The following DYM variants were observed in gnomAD, a reference collection of about 807,000 sequenced individuals.
The protein encoded by DYM is dymeclin.
In DYM, 78 loss-of-function variants were observed where a neutral mutation model predicts 93.1. That is an observed-to-expected ratio of 0.84 (90% CI 0.70 to 1.01). DYM has a LOEUF of 1.01. Among genes scored for constraint, DYM ranks in the 50% least tolerant of loss-of-function variants. DYM has a pLI of 0.00. For missense variants in DYM, 789 were observed against 845.0 expected (o/e 0.93, Z 0.82); for synonymous variants, 321 against 319.7 (o/e 1.00, Z -0.04).
intron 17 of DYM, among the ~76,000 whole-genome samples, chr18:49,067,328 G>A (rs1001172067): frequency 6.1e-4 from 3 of 4,932 alleles, no homozygotes; most frequent in Non-Finnish European, 1.0e-3. Context: ...GTGGGGTGAT[G>A]TGTTATGGAG....
At chr18:49,318,764 C>A (rs913111811) in intron 8 of DYM, among the ~76,000 whole-genome samples, 1 of 150,802 alleles carries the variant, frequency 6.6e-6, no homozygotes, top group Non-Finnish European at 1.5e-5. Flanking sequence ...TCTTGATAAA[C>A]ATGTATATGA....
At chr18:49,435,782 T>A (rs532151362) in intron 1 of DYM, among the ~76,000 whole-genome samples, 13 of 151,760 alleles carry the variant, frequency 8.6e-5, no homozygotes, top group African/African-American at 2.7e-4. Context: ...AGAACAACAC[T>A]CCATCTCAAA....
intron 8 of DYM, among the ~76,000 whole-genome samples, chr18:49,289,891 G>A (rs2060000370): frequency 1.3e-5 from 2 of 150,126 alleles, no homozygotes; most frequent in Admixed American, 1.3e-4. Context: ...ATGATGAGAT[G>A]ACCCATGAGA....
At chr18:49,139,381 T>C (rs1048364735) in intron 15 of DYM, among the ~76,000 whole-genome samples, 3 of 152,192 alleles carry the variant, frequency 2.0e-5, no homozygotes, top group Admixed American at 2.0e-4. Context: ...TTTTCAATTA[T>C]CTATTGACTT....
At chr18:49,354,160 A>G (rs1691808730) in intron 6 of DYM, among the ~76,000 whole-genome samples, 1 of 152,112 alleles carries the variant, frequency 6.6e-6, no homozygotes. Context: ...CAAAGACAGT[A>G]TAATGGGGAA....
At chr18:49,144,583 T>G (rs554180059) in intron 15 of DYM, among the ~76,000 whole-genome samples, 2 of 152,344 alleles carry the variant, frequency 1.3e-5, no homozygotes, top group African/African-American at 4.8e-5. Flanking sequence ...TTCCTTTTAG[T>G]AGAAATCTGG....
chr18:49,080,649 C>G (rs1412867243), intron 17 of DYM, among the ~76,000 whole-genome samples: 3 of 149,338 alleles, frequency 2.0e-5, no homozygotes, highest in African/African-American at 7.4e-5. Flanking sequence ...CTGACCCCCC[C>G]CACCTCCCTC....
At chr18:49,456,701 T>A (rs1024329648) in intron 1 of DYM, among the ~76,000 whole-genome samples, 2 of 152,214 alleles carry the variant, frequency 1.3e-5, no homozygotes, top group Non-Finnish European at 2.9e-5. Flanking sequence ...AAGACCTATA[T>A]GTAAAGTTGT....
chr18:49,314,277 A>G (rs1034396827), intron 8 of DYM, among the ~76,000 whole-genome samples: 1 of 152,208 alleles, frequency 6.6e-6, no homozygotes, highest in African/African-American at 2.4e-5. Context: ...TTCACTCAAC[A>G]TTGTGCTGTA....
intron 8 of DYM, among the ~76,000 whole-genome samples, chr18:49,321,857 T>A (rs773393506): frequency 1.3e-5 from 2 of 152,168 alleles, no homozygotes; most frequent in Non-Finnish European, 2.9e-5. Context: ...AAGCAGTTTC[T>A]TTTTTGAAAG....
intron 11 of DYM, among the ~76,000 whole-genome samples, chr18:49,264,635 T>A (rs2094541587): frequency 6.6e-6 from 1 of 152,178 alleles, no homozygotes; most frequent in Non-Finnish European, 1.5e-5. Context: ...CTCTATTCTG[T>A]TTTTCTATTA....
At chr18:49,204,257 A>G (rs568996984) in intron 14 of DYM, among the ~76,000 whole-genome samples, 21 of 152,356 alleles carry the variant, frequency 1.4e-4, no homozygotes, top group African/African-American at 4.1e-4. Flanking sequence ...TTTTAACTCA[A>G]TGTGTGTTAG....
chr18:49,434,023 A>C (rs189570596), intron 1 of DYM, among the ~76,000 whole-genome samples: 22 of 152,252 alleles, frequency 1.4e-4, no homozygotes, highest in African/African-American at 5.3e-4. Context: ...CAGCCTGACC[A>C]ATAGGATGAA....
chr18:49,141,357 A>T (rs928043172), intron 15 of DYM, among the ~76,000 whole-genome samples: 1 of 152,100 alleles, frequency 6.6e-6, no homozygotes, highest in Non-Finnish European at 1.5e-5. Flanking sequence ...TCCTTCAATG[A>T]CTTTATGCTG....
intron 8 of DYM, among the ~76,000 whole-genome samples, chr18:49,324,441 G>A (rs117435523): frequency 1.4e-3 from 210 of 152,236 alleles, no homozygotes; most frequent in Non-Finnish European, 2.3e-3. Flanking sequence ...AGTGATTGTT[G>A]TCAAGGCAAG....
intron 11 of DYM, among the ~76,000 whole-genome samples, chr18:49,261,483 C>T (rs1295223170): frequency 6.6e-6 from 1 of 152,144 alleles, no homozygotes; most frequent in South Asian, 2.1e-4. Flanking sequence ...CCAGCCTGGC[C>T]AACATGGTGA....
At chr18:49,453,920 C>T (rs2082745521) in intron 1 of DYM, among the ~76,000 whole-genome samples, 1 of 152,178 alleles carries the variant, frequency 6.6e-6, no homozygotes, top group Non-Finnish European at 1.5e-5. Flanking sequence ...TTACTCCAGC[C>T]ACCCAAATCC....
chr18:49,256,721 T>A (rs1178807794), intron 13 of DYM, among the ~76,000 whole-genome samples: 1 of 152,232 alleles, frequency 6.6e-6, no homozygotes, highest in Non-Finnish European at 1.5e-5. Flanking sequence ...TACATTCATA[T>A]TTAATTTGCA....
chr18:49,196,696 T>C (rs1600536798), intron 14 of DYM, among the ~76,000 whole-genome samples: 2 of 152,304 alleles, frequency 1.3e-5, no homozygotes, highest in East Asian at 3.9e-4. Flanking sequence ...GAGCAACTCC[T>C]GGAAGAGAAA....
Sources: gnomAD v4.1 joint callset for allele counts (sites outside exome capture counted in the v4.1 genomes callset) on GRCh38, gnomAD v4.1.1 for gene constraint, MANE v1.5 for transcripts, NCBI Gene and HGNC (gene_info 2026-07-23, HGNC 2026-07-21) for gene names.